Variants in PLEC observed in about 807,000 individuals in gnomAD.
The protein encoded by PLEC is plectin, also known as hemidesmosomal protein 1.
A neutral mutation model predicts 392.8 loss-of-function variants in PLEC; 216 were observed. The ratio of observed to expected loss-of-function variants is 0.55; its 90% CI spans 0.49 to 0.62. The LOEUF (loss-of-function observed/expected upper bound fraction) is 0.62. PLEC is among the 20% of genes least tolerant of loss of function. PLEC has a pLI of 0.00. For missense variants in PLEC, 6,863 were observed against 6,563.4 expected, an observed-to-expected ratio of 1.05 and a Z score of -1.58; for synonymous variants, 3,621 against 2,980.6, an observed-to-expected ratio of 1.21 and a Z score of -7.00.
At position 143,922,574 on chromosome 8, in the gene PLEC, A is replaced by G; in HGVS notation, c.7355T>C (p.Ile2452Thr). Residue 2452 changes from isoleucine to threonine, a missense_variant, in exon 31 of 32, where the codon ATC becomes ACC. Physicochemically the swap from Ile to Thr is moderately conservative, Grantham distance 89 (BLOSUM62 -1). Coordinates refer to ENST00000345136, the MANE Select transcript of PLEC (RefSeq NM_201384.3). ...CTCCTTCTCACGCTCCAGCTCAGCG[A>G]TGGCCTCCCGCAGGCGCTCGGCATC... ...DHDAERLREA[I>T]AELEREKEKL... 2 of 1,613,474 alleles carry G rather than the reference A, an allele frequency of 1.2e-6. No individual in the cohort carries two copies. The highest frequency in any genetic ancestry group is 1.7e-6 in the Non-Finnish European group (2 of 1,179,966).
In PLEC at chr8:143,927,233, G is replaced by A. The variant is rs1655153487; in HGVS notation, c.3840+19C>T. 18 of 1,608,962 alleles carry A rather than the reference G, an allele frequency of 1.1e-5. No individual in the cohort carries two copies. Among genetic ancestry groups the A allele is most frequent in the Non-Finnish European group, 1.4e-5 (17 of 1,176,248 alleles). On this transcript the variant is annotated intron_variant, in intron 28 of 31. Coordinates refer to ENST00000345136, the MANE Select transcript of PLEC (RefSeq NM_201384.3). ...AACGGTCCCGGACTTGGGGCCTGGT[G>A]CAGGCGGCTGGGCCTCACCTTGATG...
At position 143,924,547 on chromosome 8, in the gene PLEC, G is replaced by T; in HGVS notation, c.5382C>A (p.Gly1794=). The change falls in exon 31 of 32, where the codon GGC becomes GGA. Residue 1794 remains glycine (G), a synonymous_variant. Transcript: ENST00000345136. The stretch of plus-strand genomic sequence containing the variant: ...CCTCCTCGGCCAGCTCGCGGAACCG[G>T]CCGGCCTCGGCCTCCAGCCTCTGCT... ...KSKQRLEAEA[G]RFRELAEEAA... 1 of 1,541,488 alleles carries T rather than the reference G, an allele frequency of 6.5e-7. No homozygotes were observed. The highest frequency in any genetic ancestry group is 8.7e-7 in the Non-Finnish European group (1 of 1,150,640).
chr8:143,931,403 C>T (rs1462311324), intron 19 of PLEC, 131 bp downstream of exon 19: 2 of 834,686 alleles, frequency 2.4e-6, no homozygotes, highest in Non-Finnish European at 3.9e-6. Context: ...TTCGGCTGAC[C>T]TCTACACCTC....
Position 143,924,973 on chromosome 8 carries a change from C to T in PLEC, c.4956G>A (p.Ala1652=), listed in dbSNP as rs367910889. The change falls in exon 31 of 32, where the codon GCG becomes GCA. Residue 1652 remains alanine, a synonymous_variant. Coordinates refer to ENST00000345136, the MANE Select transcript of PLEC (RefSeq NM_201384.3). ...LRLRLQAEEV[A]QQKSLAQAEA... is the part of the protein sequence containing the mutation. ...CGGCCTGCGCCAGGCTCTTCTGCTG[C>T]GCCACCTCCTCCGCCTGCAGCCGCA... 4.8e-5 allele frequency: 76 copies of T among 1,579,212 alleles called. No individual in the cohort carries two copies. The highest frequency in any genetic ancestry group is 3.3e-4 in the Middle Eastern group (2 of 5,992).
chr8:143,951,095 C>G (rs1392684041), upstream of PLEC, among the ~76,000 whole-genome samples: 14 of 152,216 alleles, frequency 9.2e-5, no homozygotes, highest in Non-Finnish European at 5.9e-5. Context: ...CCCCACGGCT[C>G]CAACGTCAGA....
At chr8:143,944,444 A>G (rs1400290056), upstream of PLEC, among the ~76,000 whole-genome samples, 2 of 152,124 alleles carry the variant, frequency 1.3e-5, no homozygotes, top group South Asian at 4.1e-4. Flanking sequence ...CACTCCTTCA[A>G]CTTCGCCCTC....
intron 1 of PLEC, among the ~76,000 whole-genome samples, chr8:143,944,904 G>A (rs536016298): frequency 8.5e-5 from 13 of 152,268 alleles, no homozygotes; most frequent in South Asian, 4.1e-4. Flanking sequence ...CATGACGCAC[G>A]GCGCCAGGGC....
chr8:143,950,952 C>CGCCGG, upstream of PLEC: 1 of 759,268 alleles, frequency 1.3e-6, no homozygotes, highest in Non-Finnish European at 2.0e-6. Flanking sequence ...TCCTCCAGGA[C>CGCCGG]GCCGGGCCGG....
Position 143,920,087 on chromosome 8 carries a change from C to T in PLEC, c.9734G>A (p.Gly3245Asp). The T allele has an allele frequency of 6.2e-7, 1 of 1,613,226 alleles. No homozygotes were observed. Among genetic ancestry groups the T allele is most frequent in the Non-Finnish European group, 8.5e-7 (1 of 1,180,038 alleles). The change falls in exon 32 of 32, where the codon GGC (glycine) becomes GAC (aspartate). Residue 3245 changes from glycine to aspartate, a missense_variant. Gly to Asp is a moderately conservative substitution (Grantham distance 94). Coordinates refer to ENST00000345136, the MANE Select transcript of PLEC (RefSeq NM_201384.3). ...EKTPVEVPVG[G>D]FKGRTVTVWE... Reference sequence around the variant, plus strand: ...CACCGTCACCGTCCTGCCCTTGAAGCCACCCACGGGGACCTCAACCGGGGT... The same window carrying T: ...CACCGTCACCGTCCTGCCCTTGAAGTCACCCACGGGGACCTCAACCGGGGT...
upstream of PLEC, chr8:143,944,039 C>T (rs146258561): frequency 5.2e-3 from 6,546 of 1,247,984 alleles, 37 homozygotes; most frequent in Middle Eastern, 0.04. Flanking sequence ...CCATACGCGG[C>T]GGCAGCCCCA....
At chr8:143,949,185 T>TG (rs1554733891) in intron 1 of PLEC, among the ~76,000 whole-genome samples, 1 of 152,156 alleles carries the variant, frequency 6.6e-6, no homozygotes, top group African/African-American at 2.4e-5. Context: ...GGGCCTCCCC[T>TG]GGGCCCCCTC....
At chr8:143,959,080 G>A (rs143509178) in intron 1 of PLEC, among the ~76,000 whole-genome samples, 114 of 152,338 alleles carry the variant, frequency 7.5e-4, no homozygotes, top group African/African-American at 2.7e-3. Context: ...GTAGCACAGC[G>A]GGGCACCCTC....
intron 19 of PLEC, 88 bp from the exon 20 acceptor site, chr8:143,930,624 G>A: frequency 2.1e-6 from 3 of 1,400,490 alleles, no homozygotes; most frequent in Non-Finnish European, 2.9e-6. Context: ...CCAGGCCTGT[G>A]GGGCCCTCCT....
Position 143,922,351 on chromosome 8 carries a change from G to A in PLEC, c.7470C>T (p.Ala2490=). 1.2e-6 allele frequency: 2 copies of A among 1,604,846 alleles called. No individual in the cohort carries two copies. Among genetic ancestry groups the A allele is most frequent in the South Asian group, 1.1e-5 (1 of 91,068 alleles). Residue 2490 remains alanine, a synonymous_variant, in exon 32 of 32, where the codon GCC becomes GCT. Coordinates refer to ENST00000345136, the MANE Select transcript of PLEC (RefSeq NM_201384.3). Reference sequence around the variant, plus strand: ...TTTCAGAGAGGAAGCTTTGCTGCAGGGCCTGCGTCTCCTGCAGCAGCTGCT... The same window carrying A: ...TTTCAGAGAGGAAGCTTTGCTGCAGAGCCTGCGTCTCCTGCAGCAGCTGCT... ...QQEQLLQETQ[A]LQQSFLSEKD... is the part of the protein sequence containing the mutation.
Position 143,916,039 on chromosome 8 carries a change from A to G in PLEC, c.*138T>C, listed in dbSNP as rs1020146101. The G allele has an allele frequency of 6.8e-6, 4 of 585,598 alleles. No individual in the cohort carries two copies. Among genetic ancestry groups the G allele is most frequent in the Middle Eastern group, 4.6e-4 (1 of 2,162 alleles). The allele number at this position is 585,598 out of a possible 1,614,324, so 36.3% of individuals were successfully genotyped here. A position where few individuals can be genotyped will look rare whatever the true frequency, so the allele number is the denominator to read the frequency against. ...GCTGTCTGGACAGCAGATATATATT[A>G]ATATATTAGTCTGGTCTTTTTGGTT... On this transcript the variant is annotated 3_prime_UTR_variant, in exon 32 of 32. Transcript: ENST00000345136.
chr8:143,947,764 A>G (rs782488026), intron 1 of PLEC, among the ~76,000 whole-genome samples: 1 of 152,188 alleles, frequency 6.6e-6, no homozygotes, highest in Admixed American at 6.5e-5. Context: ...CAATAAGTAA[A>G]ATAAAAATGA....
chr8:143,953,898 G>A (rs1265304936), upstream of PLEC: 5 of 1,499,640 alleles, frequency 3.3e-6, no homozygotes, highest in Non-Finnish European at 4.4e-6. Context: ...TGCCGGCCAG[G>A]GGCGGGGCTT....
chr8:143,922,588 G>A lies in PLEC; in HGVS notation c.7341C>T (p.Arg2447=), dbSNP rs782286500. The change falls in exon 31 of 32, where the codon CGC becomes CGT. Residue 2447 remains arginine (R), a synonymous_variant. Transcript: ENST00000345136. ...QRQQSDHDAE[R]LREAIAELER... ...CCAGCTCAGCGATGGCCTCCCGCAG[G>A]CGCTCGGCATCATGGTCACTCTGCT... 4 of 1,613,476 alleles carry A rather than the reference G, an allele frequency of 2.5e-6. No homozygotes were observed. The South Asian group carries it at 3.3e-5, about 13-fold the overall frequency.
In PLEC at chr8:143,927,423, A is replaced by C; in HGVS notation, c.3743T>G (p.Leu1248Arg). The C allele has an allele frequency of 6.2e-7, 1 of 1,601,938 alleles. No homozygotes were observed. The highest frequency in any genetic ancestry group is 2.2e-5 in the East Asian group (1 of 44,812). ...LADSQAVREQ[L>R]RQEQALLEEI... ...ACCCAAGCCCACCTGCTCCTGCCGC[A>C]GCTGCTCCCGCACAGCCTGGCTGTC... The change falls in exon 27 of 32, where the codon CTG becomes CGG. Residue 1248 changes from leucine (L) to arginine (R), a missense_variant. Transcript: ENST00000345136.
Sources: gnomAD v4.1 joint callset for allele counts (sites outside exome capture counted in the v4.1 genomes callset) on GRCh38, gnomAD v4.1.1 for gene constraint, MANE v1.5 for transcripts, NCBI Gene and HGNC (gene_info 2026-07-23, HGNC 2026-07-21) for gene names.